ARNT2: variants seen among roughly 807,000 people sequenced by gnomAD.
ARNT2 encodes the protein ARNT protein 2.
In ARNT2, 36 loss-of-function variants were observed where a neutral mutation model predicts 91.7. That is an observed-to-expected ratio of 0.39 (90% confidence interval 0.30 to 0.52). ARNT2 has a LOEUF of 0.52. ARNT2 is among the 20% of genes least tolerant of loss of function. The probability of loss-of-function intolerance (pLI) is 0.72; values close to 1 mark genes in which losing one functional copy is unlikely to be tolerated. For synonymous variants in ARNT2, 365 were observed against 347.1 expected (o/e 1.05, Z -0.57); for missense variants, 775 against 939.3 (o/e 0.83, Z 2.29).
rs1229973218 is a variant in ARNT2, at chr15:80,596,380, T to C, written c.*2682T>C. The C allele has an allele frequency of 6.6e-6, 1 of 152,292 alleles. No individual in the cohort carries two copies. The highest frequency in any genetic ancestry group is 1.5e-5 in the Non-Finnish European group (1 of 68,156). The allele number at this position is 152,292 out of a possible 1,614,324, so 9.4% of individuals were successfully genotyped here. A position where few individuals can be genotyped will look rare whatever the true frequency, so the allele number is the denominator to read the frequency against. On this transcript the variant is annotated 3_prime_UTR_variant, in exon 19 of 19. Coordinates refer to ENST00000303329, the MANE Select transcript of ARNT2 (RefSeq NM_014862.4). ...TGCTTATGATTTGTAAAAGCCGTCA[T>C]GGGGTCAATAAGAAAATAGGGGTGA...
intron 11 of ARNT2, among the ~76,000 whole-genome samples, chr15:80,558,255 GGCTT>G (rs1250050853): frequency 1.3e-5 from 2 of 151,678 alleles, no homozygotes; most frequent in African/African-American, 4.9e-5. Context: ...TTTGTCCATT[GGCTT>G]GTTTGGGGGG....
intron 1 of ARNT2, among the ~76,000 whole-genome samples, chr15:80,418,161 C>G (rs75015035): frequency 0.013 from 1,934 of 152,268 alleles, 21 homozygotes; most frequent in Non-Finnish European, 0.016. Context: ...GGAGGAAAAA[C>G]CAGATGTGCT....
chr15:80,436,947 C>T (rs546055510), intron 1 of ARNT2, among the ~76,000 whole-genome samples: 4 of 152,278 alleles, frequency 2.6e-5, no homozygotes, highest in South Asian at 4.1e-4. Context: ...CTTCTGCATC[C>T]GTCCCACTGA....
chr15:80,438,080 C>T (rs986416498), intron 1 of ARNT2, among the ~76,000 whole-genome samples: 3 of 152,142 alleles, frequency 2.0e-5, no homozygotes, highest in African/African-American at 7.2e-5. Context: ...GATGCTGAAT[C>T]ATTGAATGAA....
chr15:80,499,719 G>C (rs1028516058), intron 5 of ARNT2, among the ~76,000 whole-genome samples: 12 of 152,168 alleles, frequency 7.9e-5, no homozygotes, highest in Non-Finnish European at 1.8e-4. Flanking sequence ...TAGACAAGAG[G>C]GTGGGTGAGT....
chr15:80,441,439 T>A (rs1026790548), intron 1 of ARNT2: 27 of 970,680 alleles, frequency 2.8e-5, no homozygotes, highest in Non-Finnish European at 3.1e-5. Flanking sequence ...GAGATGAATA[T>A]TGAGAAGAGC....
At chr15:80,421,734 T>C (rs537328783) in intron 1 of ARNT2, among the ~76,000 whole-genome samples, 3 of 152,290 alleles carry the variant, frequency 2.0e-5, no homozygotes, top group African/African-American at 7.2e-5. Flanking sequence ...GTGCACCTTT[T>C]TCCTAGGGTA....
intron 8 of ARNT2, among the ~76,000 whole-genome samples, chr15:80,539,553 C>G (rs997228459): frequency 6.6e-6 from 1 of 151,948 alleles, no homozygotes; most frequent in Non-Finnish European, 1.5e-5. Flanking sequence ...GAGGAATGCT[C>G]ATTGTTATTC....
At chr15:80,523,787 G>A (rs1451867048) in intron 8 of ARNT2, among the ~76,000 whole-genome samples, 2 of 152,168 alleles carry the variant, frequency 1.3e-5, no homozygotes, top group Non-Finnish European at 1.5e-5. Flanking sequence ...GAGGATTCAG[G>A]ATAAGCTTTT....
At chr15:80,574,118 ATG>A in intron 12 of ARNT2, 28 bp from the exon 13 acceptor site, 1 of 1,607,998 alleles carries the variant, frequency 6.2e-7, no homozygotes, top group Non-Finnish European at 8.5e-7. Context: ...TCTGTTCTTC[ATG>A]ACCCTCTGTT....
chr15:80,474,342 T>C (rs958149461), intron 4 of ARNT2, among the ~76,000 whole-genome samples: 3 of 152,188 alleles, frequency 2.0e-5, no homozygotes, highest in African/African-American at 7.2e-5. Flanking sequence ...TAAAGTGATA[T>C]GGATAATGCT....
chr15:80,594,505 G>A lies in ARNT2; in HGVS notation c.*807G>A, dbSNP rs539560602. 1 of 152,404 alleles carries A rather than the reference G, an allele frequency of 6.6e-6. No homozygotes were observed. The highest frequency in any genetic ancestry group is 2.1e-4 in the South Asian group (1 of 4,830). 9.4% of individuals were successfully genotyped at this position (152,404 alleles called of 1,614,324 possible). ...AGGGTCACCAGGAGGCACAGCTAGG[G>A]GCATGCTCACATGGGTAGGTCAGTT... On this transcript the variant is annotated 3_prime_UTR_variant, in exon 19 of 19. Transcript: ENST00000303329.
intron 5 of ARNT2, among the ~76,000 whole-genome samples, chr15:80,498,316 A>G (rs537887303): frequency 6.6e-6 from 1 of 152,314 alleles, no homozygotes; most frequent in African/African-American, 2.4e-5. Flanking sequence ...AGTGACTGGC[A>G]GAAGGGCTAC....
At chr15:80,425,015 C>T (rs1178463593) in intron 1 of ARNT2, among the ~76,000 whole-genome samples, 2 of 152,144 alleles carry the variant, frequency 1.3e-5, no homozygotes, top group Non-Finnish European at 1.5e-5. Context: ...AGTCAACAAA[C>T]GAATTACTAA....
At chr15:80,515,342 C>G (rs118063924) in intron 8 of ARNT2, among the ~76,000 whole-genome samples, 3 of 151,998 alleles carry the variant, frequency 2.0e-5, no homozygotes, top group Middle Eastern at 3.4e-3. Context: ...CAAATGTACA[C>G]CAAGTGATGA....
At chr15:80,498,418 G>A (rs1327950415) in intron 5 of ARNT2, among the ~76,000 whole-genome samples, 5 of 152,202 alleles carry the variant, frequency 3.3e-5, no homozygotes, top group Non-Finnish European at 7.3e-5. Context: ...TAAAAACAGT[G>A]ACCATATTGT....
intron 5 of ARNT2, among the ~76,000 whole-genome samples, chr15:80,507,726 G>C (rs762627786): frequency 1.1e-4 from 17 of 152,224 alleles, no homozygotes; most frequent in Non-Finnish European, 2.2e-4. Context: ...TCCGAAGCCA[G>C]GGGAGGGCAG....
At chr15:80,523,947 AAAGT>A (rs1455129424) in intron 8 of ARNT2, among the ~76,000 whole-genome samples, 6 of 152,168 alleles carry the variant, frequency 3.9e-5, no homozygotes, top group Non-Finnish European at 8.8e-5. Context: ...TATCTTGGAG[AAAGT>A]GAGACATGAT....
rs562834265 is a variant in ARNT2 at position 80,536,096 on chromosome 15, TG to T, written c.878-15099del. On this transcript the variant is annotated intron_variant, in intron 8 of 18. Transcript: ENST00000303329. Reference sequence around the variant, plus strand: ...CTGGCATTGAAGCAGCATGGTTGTCTGGGGTAAATACCCGAGGTTCGTTGCC... The same window carrying T: ...CTGGCATTGAAGCAGCATGGTTGTCTGGGTAAATACCCGAGGTTCGTTGCC... Among the ~76,000 whole-genome samples the T allele has an allele frequency of 5.8e-4, 89 of 152,338 alleles. No homozygotes were observed. In the South Asian group the frequency reaches 0.015, roughly 26 times the overall value.
Sources: allele counts gnomAD v4.1 joint callset (sites outside exome capture counted in the v4.1 genomes callset), GRCh38; gene constraint gnomAD v4.1.1; transcripts MANE v1.5; gene names NCBI Gene and HGNC (gene_info 2026-07-23, HGNC 2026-07-21).